ABCD3: variants seen among roughly 807,000 people sequenced by gnomAD.
ABCD3 encodes the protein ATP-binding cassette sub-family D member 3.
ABCD3 carries 41 observed loss-of-function variants against 105.5 expected under a neutral mutation model. The ratio of observed to expected loss-of-function variants is 0.39; its 90% CI spans 0.30 to 0.50. ABCD3 has a LOEUF of 0.50. Ranked by LOEUF, ABCD3 falls within the 20% of genes least tolerant of loss-of-function variation. ABCD3 has a pLI of 0.84. For missense variants in ABCD3, 622 were observed against 806.3 expected (o/e 0.77, Z 2.77); for synonymous variants, 258 against 269.0 (o/e 0.96, Z 0.40).
chr1:94,492,049 T>G (rs1043365692), intron 16 of ABCD3, among the ~76,000 whole-genome samples: 1 of 152,114 alleles, frequency 6.6e-6, no homozygotes, highest in African/African-American at 2.4e-5. Flanking sequence ...AAAATAACCA[T>G]GTGTAGATAT....
intron 1 of ABCD3, among the ~76,000 whole-genome samples, chr1:94,436,875 A>T (rs1659924769): frequency 6.6e-6 from 1 of 152,212 alleles, no homozygotes; most frequent in African/African-American, 2.4e-5. Flanking sequence ...CAGTAAACAC[A>T]AGAATGATAA....
At chr1:94,449,573 T>C (rs1005106367) in intron 1 of ABCD3, among the ~76,000 whole-genome samples, 1 of 152,332 alleles carries the variant, frequency 6.6e-6, no homozygotes, top group East Asian at 1.9e-4. Context: ...TCTGCTCCTA[T>C]AATTGAGGCA....
At chr1:94,433,792 G>A (rs1403752578) in intron 1 of ABCD3, among the ~76,000 whole-genome samples, 1 of 151,522 alleles carries the variant, frequency 6.6e-6, no homozygotes, top group Non-Finnish European at 1.5e-5. Flanking sequence ...GACTACAGGT[G>A]TGGGCCATCA....
chr1:94,499,486 T>G lies in ABCD3; in HGVS notation c.1621-9T>G, dbSNP rs1649986745. ...AGTTTAATTTCATCTTTAATCATTT[T>G]GCTGAAAGGTACTGAAGGAATACTT... On this transcript the variant is annotated splice_polypyrimidine_tract_variant and intron_variant, in intron 19 of 22. Transcript: ENST00000370214. 1.2e-6 allele frequency: 2 copies of G among 1,612,606 alleles called. No homozygotes were observed. Among genetic ancestry groups the G allele is most frequent in the South Asian group, 2.2e-5 (2 of 91,058 alleles).
At chr1:94,465,957 G>A (rs1648113110) in intron 3 of ABCD3, among the ~76,000 whole-genome samples, 1 of 152,072 alleles carries the variant, frequency 6.6e-6, no homozygotes, top group African/African-American at 2.4e-5. Context: ...TGTTACAAAA[G>A]CATTGCAGTT....
At chr1:94,397,062 T>C in the ABCD3 span, among the ~76,000 whole-genome samples, 1 of 152,044 alleles carries the variant, frequency 6.6e-6, no homozygotes, top group Admixed American at 6.6e-5. Flanking sequence ...GATTAGACAC[T>C]TTTTTTTATT....
Position 94,458,719 on chromosome 1 carries a change from G to A in ABCD3, c.147+76G>A. ...TATTTTGTCATATGATTCTGATTTA[G>A]GATTAAATTTTATAATTAGTAGGGA... is the stretch of plus-strand genomic sequence containing the variant. On this transcript the variant is annotated intron_variant, in intron 2 of 22. Coordinates refer to ENST00000370214, the MANE Select transcript of ABCD3 (RefSeq NM_002858.4). 5 of 1,443,958 alleles carry A rather than the reference G, an allele frequency of 3.5e-6. No homozygotes were observed. In the South Asian group the frequency reaches 5.9e-5, roughly 17 times the overall value. The allele number at this position is 1,443,958 out of a possible 1,614,324, so 89.4% of individuals were successfully genotyped here.
intron 4 of ABCD3, among the ~76,000 whole-genome samples, chr1:94,473,155 A>G (rs981912829): frequency 6.6e-5 from 10 of 152,156 alleles, no homozygotes; most frequent in Admixed American, 1.3e-4. Context: ...TTGGCAAACT[A>G]GGACCCACAG....
the ABCD3 span, among the ~76,000 whole-genome samples, chr1:94,409,401 T>C: frequency 6.6e-6 from 1 of 152,234 alleles, no homozygotes; most frequent in Non-Finnish European, 1.5e-5. Context: ...CTTATTTTTT[T>C]AACTGTTTTG....
At chr1:94,412,729 C>T in the ABCD3 span, among the ~76,000 whole-genome samples, 1 of 152,136 alleles carries the variant, frequency 6.6e-6, no homozygotes, top group South Asian at 2.1e-4. Flanking sequence ...ATTTACCTGC[C>T]TCTCAGAACT....
At chr1:94,439,235 A>G (rs1660044145) in intron 1 of ABCD3, among the ~76,000 whole-genome samples, 1 of 152,008 alleles carries the variant, frequency 6.6e-6, no homozygotes, top group Non-Finnish European at 1.5e-5. Context: ...ATGTTACTCT[A>G]TTGTTTTCTG....
intron 14 of ABCD3, 28 bp from the exon 15 acceptor site, chr1:94,489,875 A>T (rs1649450897): frequency 1.2e-6 from 2 of 1,611,604 alleles, no homozygotes; most frequent in Non-Finnish European, 1.7e-6. Context: ...ACATAATATG[A>T]TGCTTTAATA....
intron 16 of ABCD3, among the ~76,000 whole-genome samples, chr1:94,495,978 G>A (rs1351359812): frequency 3.3e-5 from 5 of 152,080 alleles, no homozygotes; most frequent in Non-Finnish European, 5.9e-5. Context: ...TCAGAAAAAA[G>A]TTTATTCATC....
At chr1:94,480,173 G>C (rs1297399257) in intron 8 of ABCD3, 1 of 437,746 alleles carries the variant, frequency 2.3e-6, no homozygotes, top group African/African-American at 2.0e-5. Flanking sequence ...CAACAGGAGA[G>C]TGTTAGATAA....
Position 94,447,701 on chromosome 1 carries a change from G to A in ABCD3, c.111-10906G>A, listed in dbSNP as rs1660409807. 2.0e-5 allele frequency among the ~76,000 whole-genome samples: 3 copies of A among 152,122 alleles called. No individual in the cohort carries two copies. The South Asian group carries it at 6.2e-4, about 31-fold the overall frequency. On this transcript the variant is annotated intron_variant, in intron 1 of 22. Coordinates refer to ENST00000370214, the MANE Select transcript of ABCD3 (RefSeq NM_002858.4). ...CATTACCCCAATGTTATGATCACTT[G>A]CAAAATTCAGTTTCTAGTGCTGGTT...
intron 1 of ABCD3, among the ~76,000 whole-genome samples, chr1:94,450,802 TC>T (rs956566344): frequency 3.9e-5 from 6 of 152,344 alleles, no homozygotes; most frequent in Admixed American, 2.0e-4. Flanking sequence ...TTTTACCCCT[TC>T]TAGTAGTTTA....
chr1:94,444,331 C>CA (rs35583952), intron 1 of ABCD3, among the ~76,000 whole-genome samples: 62,601 of 93,182 alleles, frequency 0.67, 21,069 homozygotes, highest in Non-Finnish European at 0.76. Flanking sequence ...GACTCCATCT[C>CA]AAAAAAAAAA....
chr1:94,499,239 T>C (rs1172478772), intron 19 of ABCD3, among the ~76,000 whole-genome samples: 1 of 152,240 alleles, frequency 6.6e-6, no homozygotes, highest in Non-Finnish European at 1.5e-5. Flanking sequence ...TTGTTTGTTT[T>C]CTCATTGCCA....
At chr1:94,462,625 TAA>T (rs940743249) in intron 2 of ABCD3, among the ~76,000 whole-genome samples, 4 of 152,222 alleles carry the variant, frequency 2.6e-5, no homozygotes, top group African/African-American at 9.6e-5. Context: ...ACTAATATTT[TAA>T]AGTGTTTCAA....
Sources: gnomAD v4.1 joint callset for allele counts (sites outside exome capture counted in the v4.1 genomes callset) on GRCh38, gnomAD v4.1.1 for gene constraint, MANE v1.5 for transcripts, NCBI Gene and HGNC (gene_info 2026-07-23, HGNC 2026-07-21) for gene names.